The following SPATA21 variants were observed in gnomAD, a reference collection of about 807,000 sequenced individuals.
The protein encoded by SPATA21 is spermatogenesis-associated protein 21.
Under a neutral mutation model 54.8 loss-of-function variants are expected in SPATA21, and 47 were observed. That is an observed-to-expected ratio of 0.86 (90% CI 0.68 to 1.09). The LOEUF (loss-of-function observed/expected upper bound fraction) is 1.09, where lower values mean the gene tolerates loss of function less well. Among genes scored for constraint, SPATA21 ranks in the 50% least tolerant of loss-of-function variants. The probability of loss-of-function intolerance (pLI) is 0.00; values close to 1 mark genes in which losing one functional copy is unlikely to be tolerated. For synonymous variants in SPATA21, 245 were observed against 235.3 expected, an observed-to-expected ratio of 1.04 and a Z score of -0.38; for missense variants, 599 against 596.4, an observed-to-expected ratio of 1.00 and a Z score of -0.05.
intron 3 of SPATA21, among the ~76,000 whole-genome samples, chr1:16,426,064 T>G (rs1175997572): frequency 1.3e-5 from 2 of 151,944 alleles, no homozygotes; most frequent in Non-Finnish European, 2.9e-5. Flanking sequence ...TTAAGTTTTA[T>G]AGTATTTTTA....
intron 3 of SPATA21, chr1:16,425,780 GT>G: frequency 6.7e-7 from 1 of 1,498,302 alleles, no homozygotes; most frequent in Non-Finnish European, 9.0e-7. Flanking sequence ...CTGGGGCACT[GT>G]TTTATATATT....
rs769523885 is a variant in SPATA21, at chr1:16,437,177, G to A, written c.-236C>T. Reference sequence around the variant, plus strand: ...GTGAGATTTTCCACCCCTGCTCACCGCCTTGCACATAGGATGGGCTCTGTC... The same window carrying A: ...GTGAGATTTTCCACCCCTGCTCACCACCTTGCACATAGGATGGGCTCTGTC... On this transcript the variant is annotated 5_prime_UTR_variant, in exon 1 of 13. Transcript: ENST00000335496. 13 of 152,308 alleles carry A rather than the reference G, an allele frequency of 8.5e-5. No homozygotes were observed. Among genetic ancestry groups the A allele is most frequent in the Non-Finnish European group, 1.2e-4 (8 of 68,124 alleles). 9.4% of individuals were successfully genotyped at this position (152,308 alleles called of 1,614,324 possible).
In SPATA21 at chr1:16,428,079, C is replaced by T. The variant is rs1258410405; in HGVS notation, c.34+3259G>A. 6.7e-7 allele frequency: 1 copy of T among 1,495,692 alleles called. No individual in the cohort carries two copies. Among genetic ancestry groups the T allele is most frequent in the South Asian group, 1.2e-5 (1 of 80,166 alleles). 92.7% of individuals were successfully genotyped at this position (1,495,692 alleles called of 1,614,324 possible). A position where few individuals can be genotyped will look rare whatever the true frequency, so the allele number is the denominator to read the frequency against. On this transcript the variant is annotated intron_variant, in intron 3 of 12. Coordinates refer to ENST00000335496, the MANE Select transcript of SPATA21 (RefSeq NM_198546.1). The surrounding 1 kb of genome is among the most constrained non-coding windows in gnomAD (Gnocchi z 4.3). ...CATTGAGTACCCGTTCTGGAGTGAT[C>T]CCTCCCACTCCTCCCTGGGTACTCT...
intron 3 of SPATA21, among the ~76,000 whole-genome samples, chr1:16,430,610 G>A (rs2086435525): frequency 6.6e-6 from 1 of 152,174 alleles, no homozygotes; most frequent in Admixed American, 6.5e-5. Context: ...GGCCATGCAA[G>A]GCACCTAGAA....
At chr1:16,402,094 C>A (rs1241438717) in intron 10 of SPATA21, among the ~76,000 whole-genome samples, 2 of 152,228 alleles carry the variant, frequency 1.3e-5, no homozygotes, top group East Asian at 3.9e-4. Context: ...CACCTCAGGC[C>A]TGAGCCTCTT....
chr1:16,404,853 G>T, intron 8 of SPATA21, 114 bp downstream of exon 8: 3 of 1,186,176 alleles, frequency 2.5e-6, no homozygotes, highest in South Asian at 1.9e-5. Flanking sequence ...TGACAGTAGA[G>T]CATTAAACCA....
intron 3 of SPATA21, chr1:16,422,253 CA>C: frequency 2.2e-6 from 3 of 1,377,468 alleles, no homozygotes; most frequent in South Asian, 3.2e-5. Context: ...AGGTGAACCT[CA>C]ATGCTCCAGG....
At chr1:16,414,756 T>C (rs1286183705) in intron 5 of SPATA21, among the ~76,000 whole-genome samples, 2 of 151,516 alleles carry the variant, frequency 1.3e-5, no homozygotes, top group Admixed American at 1.3e-4. Context: ...TAGCTGGGGT[T>C]GTTCGCATGC....
chr1:16,403,658 C>T (rs576461201), intron 10 of SPATA21, 69 bp downstream of exon 10: 14 of 1,387,980 alleles, frequency 1.0e-5, no homozygotes, highest in South Asian at 2.3e-5. Flanking sequence ...CAAAAGTTCT[C>T]AGTGCCAAAA....
intron 3 of SPATA21, among the ~76,000 whole-genome samples, chr1:16,423,630 G>A (rs868293430): frequency 7.7e-5 from 10 of 129,042 alleles, no homozygotes; most frequent in African/African-American, 2.4e-4. Flanking sequence ...TGCAACCTCC[G>A]CCTCCCAGGT....
intron 3 of SPATA21, chr1:16,425,035 C>T (rs1363244334): frequency 6.0e-6 from 2 of 334,248 alleles, no homozygotes; most frequent in Admixed American, 4.1e-5. Context: ...TCTCCTGCCT[C>T]GGCCTCTTGA....
chr1:16,437,584 T>C (rs2086614304), upstream of SPATA21, among the ~76,000 whole-genome samples: 1 of 152,186 alleles, frequency 6.6e-6, no homozygotes, highest in Non-Finnish European at 1.5e-5. Context: ...TTTGCTTCAT[T>C]ACAGTACCTT....
chr1:16,412,762 C>T (rs2085888076), intron 5 of SPATA21, among the ~76,000 whole-genome samples: 1 of 151,990 alleles, frequency 6.6e-6, no homozygotes, highest in Non-Finnish European at 1.5e-5. Context: ...CATATCCAGC[C>T]ACATTTACCA....
At chr1:16,437,093 G>A (rs1307087945) in intron 1 of SPATA21, 35 bp downstream of exon 1, 2 of 152,190 alleles carry the variant, frequency 1.3e-5, no homozygotes, top group African/African-American at 4.8e-5. Context: ...GGGAAAGCTT[G>A]TTCACCTTAC....
intron 5 of SPATA21, among the ~76,000 whole-genome samples, chr1:16,417,043 C>G (rs1203990014): frequency 4.6e-5 from 7 of 152,202 alleles, no homozygotes; most frequent in African/African-American, 1.7e-4. Context: ...GGACTCAAGA[C>G]AAGTTGGTAA....
chr1:16,425,842 A>G, intron 3 of SPATA21: 2 of 883,064 alleles, frequency 2.3e-6, no homozygotes. Flanking sequence ...TGGAAGGACC[A>G]ATGAAGGACT....
chr1:16,406,784 G>T (rs530082051), intron 7 of SPATA21, among the ~76,000 whole-genome samples: 3 of 152,140 alleles, frequency 2.0e-5, no homozygotes, highest in Non-Finnish European at 2.9e-5. Context: ...GACACACACA[G>T]AGATACCAGG....
intron 1 of SPATA21, among the ~76,000 whole-genome samples, chr1:16,435,564 ACC>A (rs1218344228): frequency 6.7e-6 from 1 of 149,392 alleles, no homozygotes; most frequent in Non-Finnish European, 1.5e-5. Flanking sequence ...TGATCTGCCC[ACC>A]TCAGCCTTCC....
chr1:16,409,992 G>A lies in SPATA21; in HGVS notation c.196C>T (p.Pro66Ser). 1.9e-6 allele frequency: 3 copies of A among 1,598,448 alleles called. No homozygotes were observed. The highest frequency in any genetic ancestry group is 1.7e-6 in the Non-Finnish European group (2 of 1,172,566). ...CCTGCAGCCACCGCGGGCTTCTGAG[G>A]CTGCTGCTGCGCACGGTCTGGCTCC... ...RREPDRAQQQ[P>S]QKPAVAAGTQ... is the part of the protein sequence containing the mutation. Residue 66 changes from proline to serine, a missense_variant, in exon 6 of 13, where the codon CCT (proline) becomes TCT (serine). Physicochemically the swap from Pro to Ser is moderately conservative, Grantham distance 74. Transcript: ENST00000335496. This position sits in a 1 kb window ranked among gnomAD's most constrained non-coding sequence, Gnocchi z 4.1.
Sources: gnomAD v4.1 joint callset for allele counts (sites outside exome capture counted in the v4.1 genomes callset) on GRCh38, gnomAD v4.1.1 for gene constraint, Gnocchi (gnomAD v3.1) non-coding constraint, MANE v1.5 for transcripts, NCBI Gene and HGNC (gene_info 2026-07-23, HGNC 2026-07-21) for gene names.